FHIP2A: variants seen among roughly 807,000 people sequenced by gnomAD.
FHIP2A encodes FHF complex subunit HOOK interacting protein 2A.
A neutral mutation model predicts 93.5 loss-of-function variants in FHIP2A; 46 were observed. The ratio of observed to expected loss-of-function variants is 0.49; its 90% CI spans 0.39 to 0.63. The LOEUF (loss-of-function observed/expected upper bound fraction) is 0.63. Among genes scored for constraint, FHIP2A ranks in the 20% least tolerant of loss-of-function variants. The probability of loss-of-function intolerance (pLI) is 0.00; values close to 1 mark genes in which losing one functional copy is unlikely to be tolerated. For missense variants in FHIP2A, 769 were observed against 909.7 expected, an observed-to-expected ratio of 0.85 and a Z score of 1.99; for synonymous variants, 332 against 326.5, an observed-to-expected ratio of 1.02 and a Z score of -0.18.
At chr10:114,841,293 T>TTG (rs1394969605) in intron 5 of FHIP2A, among the ~76,000 whole-genome samples, 4 of 33,684 alleles carry the variant, frequency 1.2e-4, no homozygotes, top group African/African-American at 5.1e-4. Context: ...ATGCCATTGG[T>TTG]TTTTTTTTTT....
intron 5 of FHIP2A, among the ~76,000 whole-genome samples, chr10:114,837,950 A>G (rs1004279829): frequency 2.6e-5 from 4 of 152,194 alleles, no homozygotes; most frequent in Admixed American, 2.0e-4. Context: ...GTTTTTTACA[A>G]TTGTTAATGA....
At chr10:114,823,481 AT>A (rs561501455) in intron 1 of FHIP2A, among the ~76,000 whole-genome samples, 87 of 82,390 alleles carry the variant, frequency 1.1e-3, no homozygotes, top group Non-Finnish European at 2.0e-3. Context: ...GAATCATTTA[AT>A]TTTATTTATT....
intron 1 of FHIP2A, among the ~76,000 whole-genome samples, chr10:114,822,752 T>G (rs946408834): frequency 1.1e-4 from 17 of 152,182 alleles, no homozygotes; most frequent in Non-Finnish European, 2.2e-4. Flanking sequence ...AATAGGAGTT[T>G]GGAGGGTCCA....
intron 15 of FHIP2A, 126 bp from the exon 16 acceptor site, chr10:114,861,105 T>C (rs886727720): frequency 3.2e-6 from 4 of 1,243,544 alleles, no homozygotes; most frequent in Admixed American, 5.4e-5. Flanking sequence ...TTAAAGATGA[T>C]TATATGAGTA....
chr10:114,857,530 G>C (rs1170978310), intron 14 of FHIP2A, among the ~76,000 whole-genome samples: 1 of 151,602 alleles, frequency 6.6e-6, no homozygotes, highest in African/African-American at 2.4e-5. Flanking sequence ...GGCTGGTCTT[G>C]AACTCCTGAC....
chr10:114,883,553 C>G (rs2083927313), intron 16 of FHIP2A, among the ~76,000 whole-genome samples: 1 of 152,132 alleles, frequency 6.6e-6, no homozygotes, highest in African/African-American at 2.4e-5. Context: ...CCAAGCTTAA[C>G]ATGATATACA....
Position 114,853,781 on chromosome 10 carries a change from T to C in FHIP2A, c.1804-1416T>C, listed in dbSNP as rs556848333. 2.6e-4 allele frequency among the ~76,000 whole-genome samples: 40 copies of C among 151,536 alleles called. 2 individuals are homozygous for C. The South Asian group carries it at 7.7e-3, about 29-fold the overall frequency. On this transcript the variant is annotated intron_variant, in intron 13 of 16. Transcript: ENST00000369248. Reference sequence around the variant, plus strand: ...TGGGAGGCCGAGGCGGGCAGATCACTTGAGGTCAGGAGCTGGAGACCAGCC... The same window carrying C: ...TGGGAGGCCGAGGCGGGCAGATCACCTGAGGTCAGGAGCTGGAGACCAGCC...
At chr10:114,881,247 C>T (rs1056194706) in intron 16 of FHIP2A, among the ~76,000 whole-genome samples, 2 of 152,176 alleles carry the variant, frequency 1.3e-5, no homozygotes, top group African/African-American at 4.8e-5. Context: ...AGAAGCTTCT[C>T]AACAAATAAA....
intron 16 of FHIP2A, among the ~76,000 whole-genome samples, chr10:114,874,747 G>A (rs1000258794): frequency 6.6e-6 from 1 of 151,944 alleles, no homozygotes; most frequent in African/African-American, 2.4e-5. Context: ...CAGGAGATCC[G>A]CCCGCCTCTG....
intron 11 of FHIP2A, 81 bp from the exon 12 acceptor site, chr10:114,847,009 A>G (rs1216990845): frequency 1.4e-5 from 18 of 1,249,264 alleles, no homozygotes; most frequent in Admixed American, 2.3e-5. Context: ...AACATTTTCT[A>G]AGAACATAGC....
At chr10:114,894,901 CT>C (rs1350877636) in intron 16 of FHIP2A, among the ~76,000 whole-genome samples, 1 of 152,124 alleles carries the variant, frequency 6.6e-6, no homozygotes, top group Non-Finnish European at 1.5e-5. Context: ...TTGGCTTCTT[CT>C]TTTCTTAATA....
rs750350514 is a variant in FHIP2A at position 114,843,183 on chromosome 10, A to G, written c.773A>G (p.Asp258Gly). ...PEASVVCPNQ[D>G]YNLVNSLLNL... ...GCCTCGGTTGTTTGTCCAAATCAGG[A>G]TTACAATTTAGTGAATTCTTTGTTA... The change falls in exon 6 of 17, where the codon GAT (aspartate) becomes GGT (glycine). Residue 258 changes from aspartate to glycine, a missense_variant. Transcript: ENST00000369248. 1.2e-6 allele frequency: 2 copies of G among 1,613,750 alleles called. No homozygotes were observed.
intron 16 of FHIP2A, among the ~76,000 whole-genome samples, chr10:114,874,091 G>A (rs900306113): frequency 6.6e-6 from 1 of 152,218 alleles, no homozygotes; most frequent in Non-Finnish European, 1.5e-5. Flanking sequence ...TGAAGACAGG[G>A]TAGAGGACAT....
intron 16 of FHIP2A, among the ~76,000 whole-genome samples, chr10:114,876,423 AC>A (rs568710312): frequency 9.9e-5 from 15 of 152,106 alleles, no homozygotes; most frequent in Admixed American, 2.0e-4. Flanking sequence ...TGCTTTAGGC[AC>A]CCCACATCAC....
At chr10:114,896,293 G>A (rs1326029998) in intron 16 of FHIP2A, among the ~76,000 whole-genome samples, 1 of 152,094 alleles carries the variant, frequency 6.6e-6, no homozygotes, top group Admixed American at 6.5e-5. Flanking sequence ...GAAGGTTTGG[G>A]TCATTTCACC....
intron 13 of FHIP2A, among the ~76,000 whole-genome samples, chr10:114,851,914 T>A (rs985923904): frequency 6.6e-6 from 1 of 152,196 alleles, no homozygotes; most frequent in African/African-American, 2.4e-5. Flanking sequence ...GTCTTGCACT[T>A]CCTTCATTAA....
Position 114,854,011 on chromosome 10 carries a change from G to T in FHIP2A, c.1804-1186G>T, listed in dbSNP as rs529827936. 1.3e-4 allele frequency among the ~76,000 whole-genome samples: 20 copies of T among 152,070 alleles called. No individual in the cohort carries two copies. In the East Asian group the frequency reaches 3.9e-3, roughly 29 times the overall value. Reference sequence around the variant, plus strand: ...GAAAACAGTGCTTTAAATTTCTTTTGTTTCAATTCAAGTAAATTACATATT... The same window carrying T: ...GAAAACAGTGCTTTAAATTTCTTTTTTTTCAATTCAAGTAAATTACATATT... On this transcript the variant is annotated intron_variant, in intron 13 of 16. Transcript: ENST00000369248.
chr10:114,860,020 C>T (rs984235438), intron 14 of FHIP2A, among the ~76,000 whole-genome samples: 1 of 152,122 alleles, frequency 6.6e-6, no homozygotes, highest in Non-Finnish European at 1.5e-5. Context: ...TGAGGAATAT[C>T]ACTTCTAAAA....
At chr10:114,869,182 CAT>C (rs1229623937), downstream of FHIP2A, among the ~76,000 whole-genome samples, 3 of 152,180 alleles carry the variant, frequency 2.0e-5, no homozygotes, top group African/African-American at 7.2e-5. Flanking sequence ...TATATAATAA[CAT>C]GAGAAATGTA....
Sources: gnomAD v4.1 joint callset for allele counts (sites outside exome capture counted in the v4.1 genomes callset) on GRCh38, gnomAD v4.1.1 for gene constraint, MANE v1.5 for transcripts, NCBI Gene and HGNC (gene_info 2026-07-23, HGNC 2026-07-21) for gene names.